MYO1G: variants seen among roughly 807,000 people sequenced by gnomAD.
MYO1G encodes the protein myosin IG, also known as unconventional myosin-Ig.
A neutral mutation model predicts 115.3 loss-of-function variants in MYO1G; 65 were observed. The observed-to-expected ratio is 0.56, with a 90% CI of 0.46 to 0.69. The LOEUF (loss-of-function observed/expected upper bound fraction) is 0.69, where lower values mean the gene tolerates loss of function less well. Ranked by LOEUF, MYO1G falls within the 30% of genes least tolerant of loss-of-function variation. The pLI, the probability that MYO1G is intolerant of heterozygous loss-of-function variation, is 0.00. For missense variants in MYO1G, 1,204 were observed against 1,393.5 expected, an observed-to-expected ratio of 0.86 and a Z score of 2.16; for synonymous variants, 510 against 552.6, an observed-to-expected ratio of 0.92 and a Z score of 1.08.
intron 3 of MYO1G, among the ~76,000 whole-genome samples, chr7:44,975,946 C>G (rs1286899873): frequency 2.6e-5 from 4 of 152,206 alleles, no homozygotes; most frequent in African/African-American, 4.8e-5. Context: ...CAGGCCTCAG[C>G]TGCAGCCTGG....
At position 44,976,887 on chromosome 7, in the gene MYO1G, T is replaced by G; in HGVS notation, c.280A>C (p.Arg94=). ...CCTGAGATGACGATGCAGGTGTCCC[T>G]GGACCGGTGCTTCATTGCCTTGTAG... is the stretch of plus-strand genomic sequence containing the variant. ...AAYKAMKHRS[R]DTCIVISGES... is the part of the protein sequence containing the mutation. The change falls in exon 2 of 22, where the codon AGG becomes CGG. Residue 94 remains arginine, a synonymous_variant. Coordinates refer to ENST00000258787, the MANE Select transcript of MYO1G (RefSeq NM_033054.3). 6.2e-7 allele frequency: 1 copy of G among 1,613,484 alleles called. No individual in the cohort carries two copies. The highest frequency in any genetic ancestry group is 8.5e-7 in the Non-Finnish European group (1 of 1,180,032).
In MYO1G at chr7:44,964,205, AC is replaced by A; in HGVS notation, c.2632-44del. 1 of 1,516,272 alleles carries A rather than the reference AC, an allele frequency of 6.6e-7. No individual in the cohort carries two copies. Among genetic ancestry groups the A allele is most frequent in the Non-Finnish European group, 9.0e-7 (1 of 1,111,666 alleles). 93.9% of individuals were successfully genotyped at this position (1,516,272 alleles called of 1,614,324 possible). A position where few individuals can be genotyped will look rare whatever the true frequency, so the allele number is the denominator to read the frequency against. ...GGACCCAGGCTGGTGCTGCCCTGTC[AC>A]CCACCAGGGCCCCAGGCTTCGGCAG... On this transcript the variant is annotated intron_variant, in intron 19 of 21. Coordinates refer to ENST00000258787, the MANE Select transcript of MYO1G (RefSeq NM_033054.3). This position sits in a 1 kb window ranked among gnomAD's most constrained non-coding sequence, Gnocchi z 5.1.
At chr7:44,970,233 A>G in intron 9 of MYO1G, 79 bp from the exon 10 acceptor site, 1 of 977,648 alleles carries the variant, frequency 1.0e-6, no homozygotes, top group East Asian at 2.5e-5. Context: ...TCCCCTGAAC[A>G]TCTCTGCTAA....
Position 44,965,620 on chromosome 7 carries a change from T to G in MYO1G, c.2381+17A>C, listed in dbSNP as rs765827247. The G allele has an allele frequency of 6.2e-6, 10 of 1,606,080 alleles. No homozygotes were observed. Among genetic ancestry groups the G allele is most frequent in the Admixed American group, 5.0e-5 (3 of 59,888 alleles). ...GATGCCAGCTGAATGGAATGTGTGG[T>G]GGGCTGAGAGTAGTACCTGCAGAAG... On this transcript the variant is annotated intron_variant, in intron 17 of 21. Coordinates refer to ENST00000258787, the MANE Select transcript of MYO1G (RefSeq NM_033054.3).
chr7:44,970,127 G>C lies in MYO1G; in HGVS notation c.1245C>G (p.Cys415Trp). 1.9e-6 allele frequency: 3 copies of C among 1,613,974 alleles called. No homozygotes were observed. The highest frequency in any genetic ancestry group is 1.7e-6 in the Non-Finnish European group (2 of 1,179,960). ...TGAATAGCTGCTGCAGCTTCTCGTTGCAGTAGTTGATGCAGAACTGCTCGA... is the reference window on the plus strand; with the variant it reads ...TGAATAGCTGCTGCAGCTTCTCGTTCCAGTAGTTGATGCAGAACTGCTCGA... The part of the protein sequence containing the change: ...NSFEQFCINY[C>W]NEKLQQLFIQ... Residue 415 changes from cysteine to tryptophan, a missense_variant, in exon 10 of 22, where the codon TGC (cysteine) becomes TGG (tryptophan). By Grantham distance (215) the Cys-to-Trp change is radical. Coordinates refer to ENST00000258787, the MANE Select transcript of MYO1G (RefSeq NM_033054.3).
At position 44,969,369 on chromosome 7, in the gene MYO1G, T is replaced by A. The variant is rs756388010; in HGVS notation, c.1574+44A>T. 6.3e-7 allele frequency: 1 copy of A among 1,598,446 alleles called. No individual in the cohort carries two copies. On this transcript the variant is annotated intron_variant, in intron 12 of 21. Coordinates refer to ENST00000258787, the MANE Select transcript of MYO1G (RefSeq NM_033054.3). This position sits in a 1 kb window ranked among gnomAD's most constrained non-coding sequence, Gnocchi z 5.0. ...TCCTGCCCCATGACACATGCCATGG[T>A]GCCTGTGGGAAAGCCAGGGATGTGG...
rs766703139 is a variant in MYO1G, at chr7:44,964,992, G to T, written c.2479C>A (p.Gln827Lys). The T allele has an allele frequency of 5.6e-6, 9 of 1,609,840 alleles. No individual in the cohort carries two copies. The highest frequency in any genetic ancestry group is 7.6e-6 in the Non-Finnish European group (9 of 1,177,310). The part of the protein sequence containing the change: ...AAMGALQGLR[Q>K]DWGCRRAWAR... The stretch of plus-strand genomic sequence containing the variant: ...CAGGCCCGTCGGCAGCCCCAGTCCT[G>T]ACGAAGCCCTTGCAGGGCCCCCATG... The change falls in exon 18 of 22, where the codon CAG (glutamine) becomes AAG (lysine). Residue 827 changes from glutamine to lysine, a missense_variant. Coordinates refer to ENST00000258787, the MANE Select transcript of MYO1G (RefSeq NM_033054.3). This position sits in a 1 kb window ranked among gnomAD's most constrained non-coding sequence, Gnocchi z 5.1.
Position 44,964,483 on chromosome 7 carries a change from G to C in MYO1G, c.2563C>G (p.Gln855Glu), listed in dbSNP as rs1216383376. The change falls in exon 19 of 22, where the codon CAG becomes GAG. Residue 855 changes from glutamine (Q) to glutamate (E), a missense_variant. Physicochemically the swap from Gln to Glu is conservative, Grantham distance 29 (BLOSUM62 2). Transcript: ENST00000258787. The surrounding 1 kb of genome is among the most constrained non-coding windows in gnomAD (Gnocchi z 5.1). ...TTGTCCTGAAGTGTCTTTAGTCGCT[G>C]AGCAAACAGGCTTGATGCTGTGGGA... ...DNPTASSLFA[Q>E]RLKTLQDKDG... 6.2e-7 allele frequency: 1 copy of C among 1,613,962 alleles called. No homozygotes were observed. The highest frequency in any genetic ancestry group is 8.5e-7 in the Non-Finnish European group (1 of 1,180,014).
chr7:44,962,846 G>A lies in MYO1G; in HGVS notation c.2950C>T (p.His984Tyr), dbSNP rs763316184. The A allele has an allele frequency of 6.6e-7, 1 of 1,511,020 alleles. No homozygotes were observed. 93.6% of individuals were successfully genotyped at this position (1,511,020 alleles called of 1,614,324 possible). A position where few individuals can be genotyped will look rare whatever the true frequency, so the allele number is the denominator to read the frequency against. The stretch of plus-strand genomic sequence containing the variant: ...GAGATGAGGCGCCGGACCCCGCGAT[G>A]GCTTAGTGGGATGCAGTCGGAGACG... The part of the protein sequence containing the change: ...VRVSDCIPLS[H>Y]RGVRRLISVE... The change falls in exon 22 of 22, where the codon CAT (histidine) becomes TAT (tyrosine). Residue 984 changes from histidine (H) to tyrosine (Y), a missense_variant. Coordinates refer to ENST00000258787, the MANE Select transcript of MYO1G (RefSeq NM_033054.3). This position sits in a 1 kb window ranked among gnomAD's most constrained non-coding sequence, Gnocchi z 5.3.
In MYO1G at chr7:44,978,945, C is replaced by T; in HGVS notation, c.17G>A (p.Gly6Asp). 6.2e-7 allele frequency: 1 copy of T among 1,614,182 alleles called. No homozygotes were observed. The highest frequency in any genetic ancestry group is 8.5e-7 in the Non-Finnish European group (1 of 1,180,010). Residue 6 changes from glycine to aspartate, a missense_variant, in exon 1 of 22, where the codon GGC becomes GAC. Coordinates refer to ENST00000258787, the MANE Select transcript of MYO1G (RefSeq NM_033054.3). MEDEEGPEYGKPDFVL... is the reference protein window; with the variant it reads MEDEEDPEYGKPDFVL... ...AAAGTCAGGTTTGCCATACTCAGGG[C>T]CTTCCTCGTCCTCCATCCTGCCGGC...
chr7:44,965,485 G>A, intron 17 of MYO1G, 152 bp downstream of exon 17: 2 of 734,048 alleles, frequency 2.7e-6, no homozygotes, highest in Admixed American at 2.5e-5. Flanking sequence ...TGTGGGACAT[G>A]AGCAGTCAGC....
In MYO1G at chr7:44,969,913, C is replaced by T. The variant is rs776796937; in HGVS notation, c.1333-38G>A. The stretch of plus-strand genomic sequence containing the variant: ...CAGCCAGCAAGGAAGCTCCCAAGGT[C>T]TTTCAGGCCACCTCCCCTCCTCCGC... On this transcript the variant is annotated intron_variant, in intron 10 of 21. Transcript: ENST00000258787. This position sits in a 1 kb window ranked among gnomAD's most constrained non-coding sequence, Gnocchi z 5.0. The T allele has an allele frequency of 2.5e-6, 4 of 1,588,206 alleles. No homozygotes were observed. Among genetic ancestry groups the T allele is most frequent in the South Asian group, 2.3e-5 (2 of 86,844 alleles).
At chr7:44,975,322 T>A in intron 4 of MYO1G, 95 bp from the exon 5 acceptor site, 1 of 1,529,228 alleles carries the variant, frequency 6.5e-7, no homozygotes, top group Non-Finnish European at 9.1e-7. Context: ...AGGCTGGGGG[T>A]CAGAGAGTCC....
rs1562830862 is a variant in MYO1G, at chr7:44,970,641, CT to C, written c.1167del (p.Val390SerfsTer39). On this transcript the variant is annotated frameshift_variant, in exon 9 of 22. Transcript: ENST00000258787. LOFTEE classifies it high-confidence loss of function. Reference protein sequence around the residue: ...GRDPRRDGKDTVIGVLDIYGF... With the variant: ...GRDPRRDGKDXVIGVLDIYGF... ...CCATAGATGTCCAGCACGCCAATGA[CT>C]GTGTCCTTGCCATCACGCCGAGGAT... 1 of 1,613,892 alleles carries C rather than the reference CT, an allele frequency of 6.2e-7. No homozygotes were observed. The highest frequency in any genetic ancestry group is 8.5e-7 in the Non-Finnish European group (1 of 1,180,040).
At position 44,966,386 on chromosome 7, in the gene MYO1G, TC is replaced by T; in HGVS notation, c.1950-107del. The stretch of plus-strand genomic sequence containing the variant: ...GAGATGGCAGGGATACAGAGTGTGT[TC>T]CTGGAGCACTTATGACACCTGTGCA... On this transcript the variant is annotated intron_variant, in intron 15 of 21. Coordinates refer to ENST00000258787, the MANE Select transcript of MYO1G (RefSeq NM_033054.3). The surrounding 1 kb of genome is among the most constrained non-coding windows in gnomAD (Gnocchi z 5.0). 2 of 1,054,950 alleles carry T rather than the reference TC, an allele frequency of 1.9e-6. No homozygotes were observed. The highest frequency in any genetic ancestry group is 1.4e-6 in the Non-Finnish European group (1 of 711,248). 65.3% of individuals were successfully genotyped at this position (1,054,950 alleles called of 1,614,324 possible). A position where few individuals can be genotyped will look rare whatever the true frequency, so the allele number is the denominator to read the frequency against.
chr7:44,964,139 C>A lies in MYO1G; in HGVS notation c.2655G>T (p.Arg885=), dbSNP rs752668322. ...GGTCTGTGAGCAGGAGGGCCCGGTT[C>A]CGGATCTTGTGGAAGCGGTTCACCT... is the stretch of plus-strand genomic sequence containing the variant. ...VRKVNRFHKI[R]NRALLLTDQH... Residue 885 remains arginine (R), a synonymous_variant, in exon 20 of 22, where the codon CGG becomes CGT. Coordinates refer to ENST00000258787, the MANE Select transcript of MYO1G (RefSeq NM_033054.3). This position sits in a 1 kb window ranked among gnomAD's most constrained non-coding sequence, Gnocchi z 5.1. 2 of 1,600,026 alleles carry A rather than the reference C, an allele frequency of 1.2e-6. No individual in the cohort carries two copies. The highest frequency in any genetic ancestry group is 2.3e-5 in the East Asian group (1 of 44,394).
In MYO1G at chr7:44,967,688, T is replaced by C. The variant is rs61745695; in HGVS notation, c.1699A>G (p.Thr567Ala). The C allele has an allele frequency of 8.5e-4, 1,369 of 1,613,766 alleles. No individual in the cohort carries two copies. The highest frequency in any genetic ancestry group is 1.1e-3 in the Non-Finnish European group (1,245 of 1,180,022). The change falls in exon 14 of 22, where the codon ACA (threonine) becomes GCA (alanine). Residue 567 changes from threonine (T) to alanine (A), a missense_variant. Coordinates refer to ENST00000258787, the MANE Select transcript of MYO1G (RefSeq NM_033054.3). Reference protein sequence around the residue: ...AMWPDGQQDITEVTKRPLTAG... With the variant: ...AMWPDGQQDIAEVTKRPLTAG... Reference sequence around the variant, plus strand: ...GTCAGGGGGCGCTTGGTCACCTCTGTGATGTCCTGCTGCCCGTCCGGCCAC... The same window carrying C: ...GTCAGGGGGCGCTTGGTCACCTCTGCGATGTCCTGCTGCCCGTCCGGCCAC...
rs747178161 is a variant in MYO1G at position 44,977,000 on chromosome 7, G to A, written c.167C>T (p.Pro56Leu). 12 of 1,613,542 alleles carry A rather than the reference G, an allele frequency of 7.4e-6. No homozygotes were observed. Among genetic ancestry groups the A allele is most frequent in the Non-Finnish European group, 1.0e-5 (12 of 1,180,040 alleles). ...GGCGATGGCCTCAGGCCCATACAGG[G>A]GCAGCTCCTGGTAGGGGTTCACGGA... ...LVSVNPYQEL[P>L]LYGPEAIARY... is the part of the protein sequence containing the mutation. Residue 56 changes from proline to leucine, a missense_variant, in exon 2 of 22, where the codon CCC becomes CTC. By Grantham distance (98) the Pro-to-Leu change is moderately conservative. Transcript: ENST00000258787.
Position 44,969,161 on chromosome 7 carries a change from A to C in MYO1G, c.1574+252T>G. ...TGCTGGTATAGGGTTGGGCCCAGAC[A>C]TGAGACGTGGGTATTTTTTAAAGGC... is the stretch of plus-strand genomic sequence containing the variant. On this transcript the variant is annotated intron_variant, in intron 12 of 21. Coordinates refer to ENST00000258787, the MANE Select transcript of MYO1G (RefSeq NM_033054.3). The surrounding 1 kb of genome is among the most constrained non-coding windows in gnomAD (Gnocchi z 5.0). 2.4e-6 allele frequency: 1 copy of C among 411,188 alleles called. No homozygotes were observed. The allele number at this position is 411,188 out of a possible 1,614,324, so 25.5% of individuals were successfully genotyped here. A position where few individuals can be genotyped will look rare whatever the true frequency, so the allele number is the denominator to read the frequency against.
Sources: gnomAD v4.1 joint callset for allele counts (sites outside exome capture counted in the v4.1 genomes callset) on GRCh38, gnomAD v4.1.1 for gene constraint, Gnocchi (gnomAD v3.1) non-coding constraint, MANE v1.5 for transcripts, NCBI Gene and HGNC (gene_info 2026-07-23, HGNC 2026-07-21) for gene names.